The following SLC19A1 variants were observed in gnomAD, a reference collection of about 807,000 sequenced individuals.
SLC19A1 encodes the protein solute carrier family 19 member 1.
Under a neutral mutation model 35.3 loss-of-function variants are expected in SLC19A1, and 37 were observed. That is an observed-to-expected ratio of 1.05 (90% CI 0.81 to 1.38). The LOEUF is 1.38. SLC19A1 is among the 40% of genes most tolerant of loss of function. The pLI, the probability that SLC19A1 is intolerant of heterozygous loss-of-function variation, is 0.00. For synonymous variants in SLC19A1, 460 were observed against 398.5 expected (o/e 1.15, Z -1.84); for missense variants, 831 against 826.9 (o/e 1.00, Z -0.06).
downstream of SLC19A1, chr21:45,507,711 C>A: frequency 1.0e-6 from 1 of 957,494 alleles, no homozygotes; most frequent in Non-Finnish European, 1.7e-6. Context: ...GAACATGTGG[C>A]TCACCATCAG....
At chr21:45,543,789 C>T (rs1416052466), upstream of SLC19A1, 4 of 152,402 alleles carry the variant, frequency 2.6e-5, no homozygotes, top group Admixed American at 2.6e-4. Context: ...GGAGGGACCC[C>T]CTGCTTTGTG....
chr21:45,509,368 G>A (rs2037436002), downstream of SLC19A1: 3 of 1,545,348 alleles, frequency 1.9e-6, no homozygotes, highest in Non-Finnish European at 1.7e-6. Flanking sequence ...CAATGAAGTG[G>A]CCGCCTTGCA....
downstream of SLC19A1, among the ~76,000 whole-genome samples, chr21:45,511,477 G>A (rs1254134505): frequency 1.3e-5 from 2 of 152,262 alleles, no homozygotes; most frequent in South Asian, 2.1e-4. Flanking sequence ...TCTGCTCATG[G>A]CGGATAGACT....
chr21:45,535,368 G>A (rs1343541786), intron 2 of SLC19A1, among the ~76,000 whole-genome samples: 2 of 152,252 alleles, frequency 1.3e-5, no homozygotes, highest in Non-Finnish European at 2.9e-5. Flanking sequence ...AACACCGTAT[G>A]TAACACACAA....
rs1602851618 is a variant in SLC19A1 at position 45,534,366 on chromosome 21, A to T, written c.190-2218T>A. Among the ~76,000 whole-genome samples the T allele has an allele frequency of 6.6e-6, 1 of 151,774 alleles. No individual in the cohort carries two copies. The highest frequency in any genetic ancestry group is 2.1e-4 in the South Asian group (1 of 4,794). On this transcript the variant is annotated intron_variant, in intron 2 of 5. Coordinates refer to ENST00000311124, the MANE Select transcript of SLC19A1 (RefSeq NM_194255.4). The surrounding 1 kb of genome is among the most constrained non-coding windows in gnomAD (Gnocchi z 4.2). ...CCTCCTAGGACCTCAGGGACCCCCG[A>T]CCCCCAGACACAGGAGGCTGCGTGG... is the stretch of plus-strand genomic sequence containing the variant.
rs180837364 is a variant in SLC19A1 at position 45,557,252 on chromosome 21, G to C, written c.-50+5490C>G. Reference sequence around the variant, plus strand: ...GAGAACCCGAGGCCAGAGCACTGGGGCTCAGACAGCGGCCCGGGAGATGGG... The same window carrying C: ...GAGAACCCGAGGCCAGAGCACTGGGCCTCAGACAGCGGCCCGGGAGATGGG... On this transcript the variant is annotated intron_variant, in intron 1 of 5. Transcript: ENST00000650808. 4.8e-3 allele frequency among the ~76,000 whole-genome samples: 732 copies of C among 152,340 alleles called. 6 individuals are homozygous for C. Among genetic ancestry groups the C allele is most frequent in the Non-Finnish European group, 8.7e-3 (592 of 68,024 alleles).
At chr21:45,528,758 G>C (rs1487540068) in intron 4 of SLC19A1, among the ~76,000 whole-genome samples, 1 of 152,144 alleles carries the variant, frequency 6.6e-6, no homozygotes, top group Non-Finnish European at 1.5e-5. Flanking sequence ...CATAGACTGG[G>C]GATGGGTTGT....
chr21:45,549,443 T>A (rs2078443549), intron 1 of SLC19A1, among the ~76,000 whole-genome samples: 1 of 151,360 alleles, frequency 6.6e-6, no homozygotes, highest in African/African-American at 2.4e-5. Flanking sequence ...TTATGGCATG[T>A]GAATTGCACC....
chr21:45,535,988 C>G (rs374483779), intron 2 of SLC19A1: 1 of 180,498 alleles, frequency 5.5e-6, no homozygotes, highest in African/African-American at 2.4e-5. Flanking sequence ...CCCCGCCCAC[C>G]TACTGGTGGC....
chr21:45,542,530 C>G (rs1008659015), upstream of SLC19A1: 6 of 150,932 alleles, frequency 4.0e-5, no homozygotes, highest in African/African-American at 1.2e-4. Context: ...TCGCGCGTGG[C>G]CGGGCGCTGC....
At position 45,532,164 on chromosome 21, in the gene SLC19A1, C is replaced by A. The variant is rs767537497; in HGVS notation, c.190-16G>T. The A allele has an allele frequency of 3.2e-6, 5 of 1,570,952 alleles. No individual in the cohort carries two copies. Among genetic ancestry groups the A allele is most frequent in the Non-Finnish European group, 4.3e-6 (5 of 1,153,986 alleles). ...CGTTCGTGACCTGCGGACAGGCGGG[C>A]GTGCGCCCCACCAGGTGTTAGCAAT... is the stretch of plus-strand genomic sequence containing the variant. On this transcript the variant is annotated splice_polypyrimidine_tract_variant and intron_variant, in intron 2 of 5. Coordinates refer to ENST00000311124, the MANE Select transcript of SLC19A1 (RefSeq NM_194255.4).
At chr21:45,507,336 G>T (rs966540666) in intron 3 of SLC19A1, 24 of 596,044 alleles carry the variant, frequency 4.0e-5, no homozygotes, top group African/African-American at 3.6e-4. Flanking sequence ...GCAGGGCCGG[G>T]TGCTGGGCAG....
At chr21:45,555,160 C>CAGGGGGCGCA (rs1555888676) in intron 1 of SLC19A1, among the ~76,000 whole-genome samples, 1 of 41,814 alleles carries the variant, frequency 2.4e-5, no homozygotes, top group Non-Finnish European at 4.2e-5. Context: ...CAGGGGGCGG[C>CAGGGGGCGCA]GGGGGCGGCG....
intron 1 of SLC19A1, among the ~76,000 whole-genome samples, chr21:45,552,840 G>C (rs1293888456): frequency 6.6e-6 from 1 of 150,540 alleles, no homozygotes; most frequent in Non-Finnish European, 1.5e-5. Context: ...CGTTTGTGCT[G>C]ATAGGAGGAC....
chr21:45,547,874 T>C (rs2078430054), upstream of SLC19A1, among the ~76,000 whole-genome samples: 1 of 152,240 alleles, frequency 6.6e-6, no homozygotes. Flanking sequence ...ACTCTTTTCA[T>C]TGACAATTGG....
chr21:45,551,902 C>T (rs1210117190), intron 1 of SLC19A1, among the ~76,000 whole-genome samples: 1 of 152,158 alleles, frequency 6.6e-6, no homozygotes, highest in East Asian at 1.9e-4. Flanking sequence ...CCCTGCATGT[C>T]CACGCCTTTA....
At chr21:45,539,930 T>TGGAG (rs2078251042) in intron 1 of SLC19A1, among the ~76,000 whole-genome samples, 1 of 151,938 alleles carries the variant, frequency 6.6e-6, no homozygotes, top group Non-Finnish European at 1.5e-5. Context: ...CACCCTCCAT[T>TGGAG]GGAGGCAGCC....
chr21:45,503,530 G>A (rs965472791), intron 3 of SLC19A1, among the ~76,000 whole-genome samples: 4 of 151,024 alleles, frequency 2.6e-5, no homozygotes, highest in African/African-American at 4.9e-5. Flanking sequence ...GTAAACTATT[G>A]CAAGAACAAA....
chr21:45,508,277 TAGGTAGATGGGG>T (rs375190388), downstream of SLC19A1, among the ~76,000 whole-genome samples: 865 of 145,614 alleles, frequency 5.9e-3, 11 homozygotes, highest in African/African-American at 0.021. Context: ...AGTGGATGGG[TAGGTAGATGGGG>T]AGGTGGATGG....
Sources: allele counts gnomAD v4.1 joint callset (sites outside exome capture counted in the v4.1 genomes callset), GRCh38; gene constraint gnomAD v4.1.1; non-coding constraint Gnocchi (gnomAD v3.1); transcripts MANE v1.5; gene names NCBI Gene and HGNC (gene_info 2026-07-23, HGNC 2026-07-21).